BLTP1: variants seen among roughly 807,000 people sequenced by gnomAD.
BLTP1 encodes the protein bridge-like lipid transfer protein family member 1.
the BLTP1 span, chr4:122,235,274 A>T: frequency 1.1e-6 from 1 of 896,112 alleles, no homozygotes; most frequent in Non-Finnish European, 1.3e-6. Flanking sequence ...TCCTCACAGA[A>T]TTTTTTCTAA....
the BLTP1 span, chr4:122,229,964 C>T: frequency 6.2e-7 from 1 of 1,613,938 alleles, no homozygotes; most frequent in South Asian, 1.1e-5. Context: ...CTGTAATCTC[C>T]ACAATCAATC....
the BLTP1 span, among the ~76,000 whole-genome samples, chr4:122,217,774 T>C: frequency 0.036 from 5,458 of 152,250 alleles, 341 homozygotes; most frequent in African/African-American, 0.12. Context: ...TGGAATAGTT[T>C]CAGTAGGATT....
At chr4:122,346,725 G>A in the BLTP1 span, 4 of 1,612,748 alleles carry the variant, frequency 2.5e-6, no homozygotes, top group Non-Finnish European at 3.4e-6. Flanking sequence ...ATTGCAAGAC[G>A]TCTATTCCTT....
the BLTP1 span, among the ~76,000 whole-genome samples, chr4:122,191,675 TG>T: frequency 2.6e-5 from 4 of 152,138 alleles, 1 homozygote; most frequent in Admixed American, 1.3e-4. Flanking sequence ...TTCCATTTGT[TG>T]AATTTTGGGG....
the BLTP1 span, among the ~76,000 whole-genome samples, chr4:122,321,364 C>T: frequency 6.6e-6 from 1 of 152,164 alleles, no homozygotes; most frequent in African/African-American, 2.4e-5. Flanking sequence ...TACTGTCATT[C>T]ATTTCTCTTA....
chr4:122,242,437 G>C, the BLTP1 span, among the ~76,000 whole-genome samples: 1 of 152,160 alleles, frequency 6.6e-6, no homozygotes, highest in African/African-American at 2.4e-5. Flanking sequence ...CAGATGTAGA[G>C]AGTAGAATGG....
chr4:122,244,937 C>A, the BLTP1 span: 1 of 1,492,196 alleles, frequency 6.7e-7, no homozygotes, highest in Non-Finnish European at 9.2e-7. Context: ...TCAGATGGTG[C>A]TACGTTTCAT....
chr4:122,309,061 T>A, the BLTP1 span, among the ~76,000 whole-genome samples: 1 of 152,092 alleles, frequency 6.6e-6, no homozygotes. Flanking sequence ...GCCCTTTGTA[T>A]GTTAAGTAAG....
At chr4:122,333,590 T>A in the BLTP1 span, 139 of 1,542,134 alleles carry the variant, frequency 9.0e-5, no homozygotes, top group Non-Finnish European at 1.2e-4. Context: ...GATAAATGTG[T>A]CATTTTTTAA....
At chr4:122,314,847 G>T in the BLTP1 span, among the ~76,000 whole-genome samples, 1 of 152,146 alleles carries the variant, frequency 6.6e-6, no homozygotes, top group Non-Finnish European at 1.5e-5. Flanking sequence ...TCAGACTACA[G>T]TTAAACTTAG....
the BLTP1 span, chr4:122,183,077 G>A: frequency 1.1e-6 from 1 of 943,426 alleles, no homozygotes; most frequent in Non-Finnish European, 1.3e-6. Flanking sequence ...AGCTCACACT[G>A]GTAATCCCAG....
chr4:122,283,342 A>G, the BLTP1 span, among the ~76,000 whole-genome samples: 1 of 152,108 alleles, frequency 6.6e-6, no homozygotes, highest in Admixed American at 6.5e-5. Flanking sequence ...AGTGGCATAT[A>G]ATCCAGAAAT....
the BLTP1 span, chr4:122,209,949 CT>C: frequency 6.2e-7 from 1 of 1,606,234 alleles, no homozygotes; most frequent in Non-Finnish European, 8.5e-7. Flanking sequence ...ATAATTTGTG[CT>C]TTTATACAGC....
chr4:122,242,982 G>A, the BLTP1 span: 1 of 1,400,270 alleles, frequency 7.1e-7, no homozygotes, highest in African/African-American at 1.4e-5. Context: ...CTAGACTATA[G>A]TATTTTATAT....
At chr4:122,339,348 C>T in the BLTP1 span, 1 of 1,613,258 alleles carries the variant, frequency 6.2e-7, no homozygotes, top group Non-Finnish European at 8.5e-7. Flanking sequence ...GACTTTATCC[C>T]CTGGAGGTAA....
the BLTP1 span, chr4:122,290,980 TC>T: frequency 2.3e-6 from 2 of 861,648 alleles, no homozygotes; most frequent in Non-Finnish European, 2.8e-6. Context: ...GTTGTGGAGT[TC>T]CTAGTATCAG....
At chr4:122,209,208 A>G in the BLTP1 span, 1 of 1,613,394 alleles carries the variant, frequency 6.2e-7, no homozygotes, top group African/African-American at 1.3e-5. Context: ...CACCCTAGTA[A>G]ATATTCTTTA....
chr4:122,302,090 ATTATT>A, the BLTP1 span: 2 of 253,384 alleles, frequency 7.9e-6, no homozygotes, highest in Non-Finnish European at 6.2e-6. Context: ...CAAAGACTAT[ATTATT>A]TTAATAGAAA....
chr4:122,181,236 C>T, the BLTP1 span: 39 of 946,682 alleles, frequency 4.1e-5, no homozygotes, highest in Non-Finnish European at 4.5e-5. Context: ...AAATTAGATG[C>T]GTTCTTTTTT....
Sources: allele counts gnomAD v4.1 joint callset (sites outside exome capture counted in the v4.1 genomes callset), GRCh38; gene constraint gnomAD v4.1.1; transcripts MANE v1.5; gene names NCBI Gene and HGNC (gene_info 2026-07-23, HGNC 2026-07-21).